Variants in TNRC18 observed in about 807,000 individuals in gnomAD.
TNRC18 encodes the protein trinucleotide repeat containing 18.
TNRC18 carries 69 observed loss-of-function variants against 226.7 expected under a neutral mutation model. That is an observed-to-expected ratio of 0.30 (90% confidence interval 0.25 to 0.37). TNRC18 has a LOEUF of 0.37. TNRC18 is among the 10% of genes least tolerant of loss of function. The probability of loss-of-function intolerance (pLI) is 1.00; values close to 1 mark genes in which losing one functional copy is unlikely to be tolerated. For missense variants in TNRC18, 4,754 were observed against 4,256.6 expected, an observed-to-expected ratio of 1.12 and a Z score of -3.25; for synonymous variants, 2,449 against 1,927.6, an observed-to-expected ratio of 1.27 and a Z score of -7.09.
chr7:5,380,762 G>C (rs749768295), intron 5 of TNRC18, among the ~76,000 whole-genome samples: 10 of 152,206 alleles, frequency 6.6e-5, no homozygotes, highest in Non-Finnish European at 1.2e-4. Flanking sequence ...CAGGTCTCAG[G>C]CAGGACTGGG....
At chr7:5,397,864 C>T (rs1411518130) in intron 2 of TNRC18, among the ~76,000 whole-genome samples, 1 of 152,168 alleles carries the variant, frequency 6.6e-6, no homozygotes, top group Non-Finnish European at 1.5e-5. Flanking sequence ...CTGTCTTCCC[C>T]GAGAGACAGT....
chr7:5,358,452 A>G (rs1333055393), intron 15 of TNRC18, among the ~76,000 whole-genome samples: 4 of 152,192 alleles, frequency 2.6e-5, no homozygotes, highest in South Asian at 2.1e-4. Flanking sequence ...TGGTGTTAAC[A>G]CTGGCAATCT....
At chr7:5,420,479 G>T (rs1328320302) in intron 2 of TNRC18, 1 of 451,644 alleles carries the variant, frequency 2.2e-6, no homozygotes, top group Non-Finnish European at 4.4e-6. Flanking sequence ...TTCTCCCGGG[G>T]AAGAAAGGGG....
chr7:5,315,325 C>T (rs1252909935), intron 25 of TNRC18, among the ~76,000 whole-genome samples, 177 bp from the exon 26 acceptor site: 2 of 152,266 alleles, frequency 1.3e-5, no homozygotes, highest in Non-Finnish European at 1.5e-5. Context: ...ACCCCGTCTG[C>T]AGGGAGCAGC....
chr7:5,370,980 G>T lies in TNRC18; in HGVS notation c.3614C>A (p.Ala1205Glu). The T allele has an allele frequency of 1.2e-6, 2 of 1,606,032 alleles. No individual in the cohort carries two copies. The highest frequency in any genetic ancestry group is 8.5e-7 in the Non-Finnish European group (1 of 1,179,716). Residue 1205 changes from alanine (A) to glutamate (E), a missense_variant, in exon 11 of 30, where the codon GCG becomes GAG. Physicochemically the swap from Ala to Glu is moderately radical, Grantham distance 107. Transcript: ENST00000430969. ...GCGGGLLEAQ[A>E]LSATGQSCAE... is the part of the protein sequence containing the mutation. ...GCAGCTCTGCCCGGTGGCACTCAGC[G>T]CCTGGGCCTCCAACAGGCCACCTCC...
In TNRC18 at chr7:5,377,898, C is replaced by G. The variant is rs768141922; in HGVS notation, c.2255+24G>C. On this transcript the variant is annotated intron_variant, in intron 6 of 29. Coordinates refer to ENST00000430969, the MANE Select transcript of TNRC18 (RefSeq NM_001080495.3). The surrounding 1 kb of genome is among the most constrained non-coding windows in gnomAD (Gnocchi z 5.8). ...GGGGCTCCTAGATACCCCCTAGACC[C>G]TCAGGATCCCCCGACACCCTCACCT... 2.9e-5 allele frequency: 47 copies of G among 1,610,984 alleles called. No individual in the cohort carries two copies. Among genetic ancestry groups the G allele is most frequent in the Non-Finnish European group, 3.9e-5 (46 of 1,177,730 alleles).
chr7:5,395,277 G>A (rs907126203), intron 2 of TNRC18, among the ~76,000 whole-genome samples: 12 of 152,284 alleles, frequency 7.9e-5, no homozygotes, highest in Admixed American at 5.2e-4. Flanking sequence ...TGAATGGAGC[G>A]GCAGGCGTGG....
intron 18 of TNRC18, among the ~76,000 whole-genome samples, chr7:5,338,159 T>C (rs887097878): frequency 1.3e-5 from 2 of 152,208 alleles, no homozygotes; most frequent in Admixed American, 6.6e-5. Context: ...GGAATGTATA[T>C]TGTTATCTCT....
At chr7:5,335,095 A>G (rs1019821220) in intron 18 of TNRC18, among the ~76,000 whole-genome samples, 3 of 151,276 alleles carry the variant, frequency 2.0e-5, no homozygotes, top group Non-Finnish European at 4.4e-5. Flanking sequence ...TGAGGTCAGG[A>G]GTTCAAGACC....
chr7:5,308,740 G>T (rs931103533), intron 29 of TNRC18, 135 bp downstream of exon 29: 1 of 907,212 alleles, frequency 1.1e-6, no homozygotes, highest in Non-Finnish European at 1.7e-6. Flanking sequence ...ACTGAGAGTG[G>T]CAGGGACAGG....
In TNRC18 at chr7:5,332,950, C is replaced by A. The variant is rs746716963; in HGVS notation, c.5819G>T (p.Gly1940Val). The change falls in exon 19 of 30, where the codon GGA (glycine) becomes GTA (valine). Residue 1940 changes from glycine (G) to valine (V), a missense_variant. By Grantham distance (109) the Gly-to-Val change is moderately radical. Coordinates refer to ENST00000430969, the MANE Select transcript of TNRC18 (RefSeq NM_001080495.3). The part of the protein sequence containing the change: ...LRPKKGLGEP[G>V]PSLAAPTPGA... ...AGGCGTGGGTGCGGCCAGGGAGGGT[C>A]CCGGCTCCCCCAGCCCCTTCTTGGG... is the stretch of plus-strand genomic sequence containing the variant. 2.1e-5 allele frequency: 32 copies of A among 1,552,512 alleles called. No homozygotes were observed. The highest frequency in any genetic ancestry group is 2.7e-5 in the Non-Finnish European group (31 of 1,156,596).
chr7:5,373,329 AAAAAG>A (rs892871149), intron 10 of TNRC18, among the ~76,000 whole-genome samples: 4 of 152,166 alleles, frequency 2.6e-5, no homozygotes, highest in African/African-American at 7.2e-5. Flanking sequence ...CCATCTCAAA[AAAAAG>A]AAAAGGAATA....
chr7:5,385,465 G>C (rs537981931), intron 5 of TNRC18, among the ~76,000 whole-genome samples: 19 of 140,498 alleles, frequency 1.4e-4, no homozygotes, highest in Admixed American at 7.6e-5. Context: ...TCCGCAGTCC[G>C]GCCTGGGCGA....
intron 16 of TNRC18, among the ~76,000 whole-genome samples, chr7:5,353,655 C>T (rs1792065364): frequency 6.6e-6 from 1 of 152,098 alleles, no homozygotes; most frequent in African/African-American, 2.4e-5. Context: ...CTTCGACCTC[C>T]GTCCAGCTCA....
intron 16 of TNRC18, among the ~76,000 whole-genome samples, chr7:5,356,595 G>A (rs1792415206): frequency 1.3e-5 from 2 of 152,262 alleles, no homozygotes; most frequent in South Asian, 2.1e-4. Flanking sequence ...CCTCGCCTAT[G>A]ACATCCGGTA....
chr7:5,345,539 G>A (rs200404357), intron 18 of TNRC18, 23 bp downstream of exon 18: 501 of 181,818 alleles, frequency 2.8e-3, no homozygotes, highest in Middle Eastern at 0.024. Context: ...CACCCCCACC[G>A]CAGCCCACCT....
At chr7:5,381,223 C>G (rs546944988) in intron 5 of TNRC18, among the ~76,000 whole-genome samples, 2 of 152,230 alleles carry the variant, frequency 1.3e-5, no homozygotes, top group Admixed American at 6.5e-5. Context: ...CTCTGTCCCC[C>G]ACCCCTGCGC....
chr7:5,331,548 TGCA>T (rs1789522759), intron 19 of TNRC18, among the ~76,000 whole-genome samples: 1 of 152,030 alleles, frequency 6.6e-6, no homozygotes, highest in Non-Finnish European at 1.5e-5. Context: ...CACAGAGTCT[TGCA>T]GCAACGGAAA....
intron 5 of TNRC18, among the ~76,000 whole-genome samples, chr7:5,382,554 G>A (rs2128186879): frequency 6.6e-6 from 1 of 152,214 alleles, no homozygotes; most frequent in Admixed American, 6.5e-5. Flanking sequence ...GCGGATCGGG[G>A]GGGAGTGACT....
Sources: gnomAD v4.1 joint callset for allele counts (sites outside exome capture counted in the v4.1 genomes callset) on GRCh38, gnomAD v4.1.1 for gene constraint, Gnocchi (gnomAD v3.1) non-coding constraint, MANE v1.5 for transcripts, NCBI Gene and HGNC (gene_info 2026-07-23, HGNC 2026-07-21) for gene names.